HDX: variants seen among roughly 807,000 people sequenced by gnomAD.
HDX encodes the protein highly divergent homeobox, also known as chromosome X open reading frame 43.
HDX carries 19 observed loss-of-function variants against 45.2 expected under a neutral mutation model. That is an observed-to-expected ratio of 0.42 (90% CI 0.29 to 0.62). HDX has a LOEUF of 0.62. HDX is among the 20% of genes least tolerant of loss of function. HDX has a pLI of 0.20. For synonymous variants in HDX, 188 were observed against 172.8 expected (o/e 1.09, Z -0.69); for missense variants, 532 against 493.9 (o/e 1.08, Z -0.73).
chrX:84,462,348 G>C (rs756014081), intron 4 of HDX, among the ~76,000 whole-genome samples: 1 of 111,739 alleles, frequency 8.9e-6, no homozygotes, highest in Non-Finnish European at 1.9e-5. Context: ...AAATAACAAT[G>C]AGATCCTGTC....
intron 6 of HDX, among the ~76,000 whole-genome samples, chrX:84,358,121 T>G (rs2037532311): frequency 8.9e-6 from 1 of 112,245 alleles, no homozygotes; most frequent in South Asian, 3.6e-4. Flanking sequence ...TGAAATATCT[T>G]GTCTAAGCCA....
intron 6 of HDX, among the ~76,000 whole-genome samples, chrX:84,345,349 CTG>C (rs1365553034): frequency 9.0e-6 from 1 of 111,332 alleles, no homozygotes; most frequent in East Asian, 2.8e-4. Context: ...GTCTCCATAA[CTG>C]TGCTTTTTCA....
intron 3 of HDX, 50 bp from the exon 4 acceptor site, chrX:84,469,625 A>G: frequency 2.0e-6 from 2 of 1,016,435 alleles, no homozygotes; most frequent in Non-Finnish European, 2.6e-6. Flanking sequence ...AAACAAACGA[A>G]GAAAAAACAA....
chrX:84,364,097 A>T (rs73625981), intron 5 of HDX, among the ~76,000 whole-genome samples: 26,080 of 110,816 alleles, frequency 0.24, 2,561 homozygotes, highest in African/African-American at 0.38. Flanking sequence ...TTTTCTTTTT[A>T]AAATAACATT....
At chrX:84,325,454 TTAA>T (rs1178141535) in intron 10 of HDX, among the ~76,000 whole-genome samples, 1 of 111,674 alleles carries the variant, frequency 9.0e-6, no homozygotes, top group Non-Finnish European at 1.9e-5. Flanking sequence ...TTGGTATAAT[TTAA>T]TATTACATGG....
intron 6 of HDX, among the ~76,000 whole-genome samples, chrX:84,361,261 C>A (rs1473637101): frequency 9.0e-6 from 1 of 111,219 alleles, no homozygotes; most frequent in African/African-American, 3.3e-5. Context: ...GGGTTATTTG[C>A]AATTTTATTA....
intron 4 of HDX, among the ~76,000 whole-genome samples, chrX:84,450,298 G>T (rs1019963384): frequency 2.7e-5 from 3 of 110,897 alleles, no homozygotes; most frequent in Admixed American, 1.9e-4. Flanking sequence ...CTGCCTACAA[G>T]AAAGCAATCT....
At chrX:84,398,451 C>A (rs1379602171) in intron 5 of HDX, among the ~76,000 whole-genome samples, 1 of 111,472 alleles carries the variant, frequency 9.0e-6, no homozygotes, top group Non-Finnish European at 1.9e-5. Flanking sequence ...AGACTTTAAA[C>A]CAACAAAGAT....
rs1028119722 is a variant in HDX at position 84,319,620 on chromosome X, T to C, written c.*2269A>G. 8 of 111,430 alleles carry C rather than the reference T, an allele frequency of 7.2e-5. No individual in the cohort carries two copies. The highest frequency in any genetic ancestry group is 1.5e-4 in the Non-Finnish European group (8 of 52,590). 9.2% of individuals were successfully genotyped at this position (111,430 alleles called of 1,213,427 possible). On this transcript the variant is annotated 3_prime_UTR_variant, in exon 11 of 11. Transcript: ENST00000373177. ...TCTAAATGTATTGTTATGATTTATATAGTTTCTATTTTGATGAAATGTTAA... is the reference window on the plus strand; with the variant it reads ...TCTAAATGTATTGTTATGATTTATACAGTTTCTATTTTGATGAAATGTTAA...
At chrX:84,331,288 G>C (rs935957115) in intron 9 of HDX, among the ~76,000 whole-genome samples, 4 of 111,634 alleles carry the variant, frequency 3.6e-5, no homozygotes, top group African/African-American at 1.3e-4. Flanking sequence ...TGGTTGCATA[G>C]TAATAATTAT....
At chrX:84,457,131 ATCT>A (rs1178008126) in intron 4 of HDX, among the ~76,000 whole-genome samples, 1 of 111,774 alleles carries the variant, frequency 8.9e-6, no homozygotes, top group African/African-American at 3.2e-5. Flanking sequence ...AGGCCACAAA[ATCT>A]TCTTTTTTTT....
At chrX:84,444,134 C>A (rs754679066) in intron 4 of HDX, among the ~76,000 whole-genome samples, 55 of 109,496 alleles carry the variant, frequency 5.0e-4, no homozygotes, top group African/African-American at 1.5e-3. Context: ...AAACATCAGC[C>A]TTTTAGGGGA....
chrX:84,449,301 A>G (rs1259819506), intron 4 of HDX, among the ~76,000 whole-genome samples: 3 of 111,903 alleles, frequency 2.7e-5, no homozygotes, highest in South Asian at 3.7e-4. Flanking sequence ...TATGCATCCA[A>G]ATGCAGGAAA....
chrX:84,388,230 G>A (rs1275030282), intron 5 of HDX, among the ~76,000 whole-genome samples: 4 of 107,155 alleles, frequency 3.7e-5, no homozygotes, highest in Admixed American at 1.0e-4. Context: ...CTGCCTTTAA[G>A]TTTTTTTTTT....
At chrX:84,472,833 A>G (rs937399517) in intron 3 of HDX, among the ~76,000 whole-genome samples, 5 of 110,602 alleles carry the variant, frequency 4.5e-5, no homozygotes, top group Admixed American at 1.9e-4. Context: ...AAGAAAACAC[A>G]TTGCCTGAGG....
intron 9 of HDX, among the ~76,000 whole-genome samples, chrX:84,327,589 GC>G (rs1412455873): frequency 9.0e-6 from 1 of 110,920 alleles, no homozygotes; most frequent in Admixed American, 9.6e-5. Context: ...AAATCCACAT[GC>G]AAAAAAAAAG....
intron 8 of HDX, among the ~76,000 whole-genome samples, chrX:84,335,775 T>C (rs752862932): frequency 9.0e-6 from 1 of 110,858 alleles, no homozygotes; most frequent in South Asian, 3.8e-4. Flanking sequence ...GTTAGAAGGG[T>C]CAAGCATTGA....
chrX:84,423,524 G>A (rs772921843), intron 5 of HDX, among the ~76,000 whole-genome samples: 57 of 99,245 alleles, frequency 5.7e-4, no homozygotes, highest in African/African-American at 2.0e-3. Context: ...GAAAACTGCA[G>A]GCCAATATAT....
chrX:84,417,250 AAG>A (rs1191369632), intron 5 of HDX, among the ~76,000 whole-genome samples: 3 of 111,499 alleles, frequency 2.7e-5, no homozygotes, highest in Non-Finnish European at 5.7e-5. Context: ...GAAAGAAAGA[AAG>A]AGAAAGTCCC....
Sources: allele counts gnomAD v4.1 joint callset (sites outside exome capture counted in the v4.1 genomes callset), GRCh38; gene constraint gnomAD v4.1.1; transcripts MANE v1.5; gene names NCBI Gene and HGNC (gene_info 2026-07-23, HGNC 2026-07-21).